The following TRHDE variants were observed in gnomAD, a reference collection of about 807,000 sequenced individuals.
TRHDE encodes thyrotropin releasing hormone degrading enzyme, also known as thyrotropin-releasing hormone-degrading ectoenzyme.
TRHDE carries 72 observed loss-of-function variants against 125.7 expected under a neutral mutation model. The ratio of observed to expected loss-of-function variants is 0.57; its 90% CI spans 0.47 to 0.70. The LOEUF (loss-of-function observed/expected upper bound fraction) is 0.70. Ranked by LOEUF, TRHDE falls within the 30% of genes least tolerant of loss-of-function variation. The pLI, the probability that TRHDE is intolerant of heterozygous loss-of-function variation, is 0.00. For missense variants in TRHDE, 1,110 were observed against 1,327.1 expected (o/e 0.84, Z 2.54); for synonymous variants, 509 against 509.1 (o/e 1.00, Z 0.00).
intron 6 of TRHDE, among the ~76,000 whole-genome samples, chr12:72,521,523 G>T (rs1879195150): frequency 6.6e-6 from 1 of 152,152 alleles, no homozygotes. Context: ...AAACCAACTT[G>T]TGTCGTTTAG....
intron 14 of TRHDE, 48 bp downstream of exon 14, chr12:72,621,253 A>G (rs764949155): frequency 5.0e-6 from 6 of 1,193,434 alleles, no homozygotes; most frequent in Non-Finnish European, 7.4e-6. Flanking sequence ...GAGCTGTATA[A>G]TAATGTACTA....
chr12:72,487,716 G>T (rs1447321444), intron 5 of TRHDE, among the ~76,000 whole-genome samples: 1 of 152,046 alleles, frequency 6.6e-6, no homozygotes, highest in Non-Finnish European at 1.5e-5. Flanking sequence ...ACTGGTAGAG[G>T]TAAATGTATA....
At chr12:72,611,587 C>T (rs1423676330) in intron 12 of TRHDE, among the ~76,000 whole-genome samples, 1 of 152,090 alleles carries the variant, frequency 6.6e-6, no homozygotes, top group Non-Finnish European at 1.5e-5. Flanking sequence ...ATTTCATGAA[C>T]CTTCACTCTA....
chr12:72,582,034 G>A (rs907703982), intron 12 of TRHDE, among the ~76,000 whole-genome samples: 3 of 143,898 alleles, frequency 2.1e-5, no homozygotes, highest in East Asian at 2.1e-4. Context: ...CCCAGGAGGC[G>A]GAACTTGTAG....
Position 72,618,891 on chromosome 12 carries a change from G to A in TRHDE, c.2322G>A (p.Arg774=), listed in dbSNP as rs749586481. The A allele has an allele frequency of 1.3e-6, 2 of 1,501,764 alleles. No individual in the cohort carries two copies. The highest frequency in any genetic ancestry group is 1.4e-5 in the African/African-American group (1 of 69,300). The allele number at this position is 1,501,764 out of a possible 1,614,324, so 93.0% of individuals were successfully genotyped here. A position where few individuals can be genotyped will look rare whatever the true frequency, so the allele number is the denominator to read the frequency against. Residue 774 remains arginine (R), a splice_region_variant and synonymous_variant, in exon 13 of 19, where the codon AGG becomes AGA. Transcript: ENST00000261180. ...GLIDDAFSLA[R]AGYLPQNIPL... ...TATCTTTTTTTTTTTTTAACTGTAG[G>A]GCTGGCTATTTGCCTCAGAATATTC...
chr12:72,555,655 T>C (rs1437386829), intron 7 of TRHDE, among the ~76,000 whole-genome samples: 1 of 152,218 alleles, frequency 6.6e-6, no homozygotes, highest in Non-Finnish European at 1.5e-5. Flanking sequence ...TCTAGCTTTC[T>C]TTGTTTAAGT....
intron 3 of TRHDE, among the ~76,000 whole-genome samples, chr12:72,445,073 C>A (rs1031852131): frequency 6.6e-5 from 10 of 151,858 alleles, no homozygotes; most frequent in Non-Finnish European, 1.0e-4. Flanking sequence ...GACGTCTTAA[C>A]AAGTGATTAT....
intron 2 of TRHDE, among the ~76,000 whole-genome samples, chr12:72,330,999 G>A (rs1450185351): frequency 1.3e-5 from 2 of 152,064 alleles, no homozygotes; most frequent in Non-Finnish European, 2.9e-5. Context: ...CTGTTGCTCC[G>A]AGAACCACAT....
intron 2 of TRHDE, among the ~76,000 whole-genome samples, chr12:72,169,460 T>C (rs1269650313): frequency 7.2e-5 from 11 of 152,080 alleles, no homozygotes; most frequent in Admixed American, 7.2e-4. Context: ...GCTGTCAGAG[T>C]TGATTTCTGT....
intron 6 of TRHDE, among the ~76,000 whole-genome samples, chr12:72,511,063 A>C (rs1333038615): frequency 6.6e-6 from 1 of 152,112 alleles, no homozygotes. Flanking sequence ...ATAAGAAAGA[A>C]CTTCTTGACA....
chr12:72,383,919 G>A (rs1018068252), intron 3 of TRHDE, among the ~76,000 whole-genome samples: 3 of 151,878 alleles, frequency 2.0e-5, no homozygotes, highest in Non-Finnish European at 4.4e-5. Context: ...TTATAAACTC[G>A]ATGATTTGAT....
Position 72,545,363 on chromosome 12 carries a change from C to T in TRHDE, c.1788+3007C>T, listed in dbSNP as rs1052806086. 1.1e-4 allele frequency among the ~76,000 whole-genome samples: 17 copies of T among 151,592 alleles called. No individual in the cohort carries two copies. In the South Asian group the frequency reaches 1.7e-3, roughly 15 times the overall value. On this transcript the variant is annotated intron_variant, in intron 7 of 18. Coordinates refer to ENST00000261180, the MANE Select transcript of TRHDE (RefSeq NM_013381.3). Reference sequence around the variant, plus strand: ...GTTAATAGCGGTTTTCTGCAAGTCACTAGACCTCTCTTGACCTCTGACATT... The same window carrying T: ...GTTAATAGCGGTTTTCTGCAAGTCATTAGACCTCTCTTGACCTCTGACATT...
chr12:72,174,445 A>G lies in TRHDE; in HGVS notation n.279+68693A>G, dbSNP rs140181718. On this transcript the variant is annotated intron_variant and non_coding_transcript_variant, in intron 2 of 4. Coordinates refer to the TRHDE transcript ENST00000548156. Reference sequence around the variant, plus strand: ...AACACAATTTTATTGTCTAATCCATATTCAAAATTTTCCAATTGTCCTAAA... The same window carrying G: ...AACACAATTTTATTGTCTAATCCATGTTCAAAATTTTCCAATTGTCCTAAA... Among the ~76,000 whole-genome samples, 1,138 of 152,336 alleles carry G rather than the reference A, an allele frequency of 7.5e-3. 7 individuals are homozygous for G. Among genetic ancestry groups the G allele is most frequent in the Non-Finnish European group, 0.012 (812 of 68,026 alleles).
At chr12:72,245,243 ATGTGTG>A (rs370752757) in intron 2 of TRHDE, among the ~76,000 whole-genome samples, 10 of 147,230 alleles carry the variant, frequency 6.8e-5, no homozygotes, top group Admixed American at 2.0e-4. Context: ...GTTTGTGTGT[ATGTGTG>A]TGTGTGTGTG....
chr12:72,228,738 T>A (rs1374705748), intron 2 of TRHDE, among the ~76,000 whole-genome samples: 1 of 152,212 alleles, frequency 6.6e-6, no homozygotes, highest in Admixed American at 6.5e-5. Flanking sequence ...CTTTTAACAA[T>A]ATCCAAGTCA....
chr12:72,372,946 T>A (rs1871681299), intron 2 of TRHDE, among the ~76,000 whole-genome samples: 2 of 152,196 alleles, frequency 1.3e-5, no homozygotes, highest in Admixed American at 6.5e-5. Flanking sequence ...GGTAGCTTGA[T>A]GGGGATGGCA....
chr12:72,466,993 G>A (rs139429011), intron 3 of TRHDE, among the ~76,000 whole-genome samples: 203 of 152,276 alleles, frequency 1.3e-3, no homozygotes, highest in African/African-American at 4.5e-3. Context: ...GCAAAACTGC[G>A]TCTATATTGA....
intron 6 of TRHDE, among the ~76,000 whole-genome samples, chr12:72,516,266 C>T (rs1878855198): frequency 6.6e-6 from 1 of 151,958 alleles, no homozygotes; most frequent in Non-Finnish European, 1.5e-5. Flanking sequence ...TTGATTCTTC[C>T]TACCCATGAG....
intron 12 of TRHDE, among the ~76,000 whole-genome samples, chr12:72,593,053 G>A (rs773822638): frequency 1.3e-5 from 2 of 152,146 alleles, no homozygotes; most frequent in African/African-American, 4.8e-5. Context: ...GAGTGCTACA[G>A]TGATCAGCCA....
Sources: allele counts gnomAD v4.1 joint callset (sites outside exome capture counted in the v4.1 genomes callset), GRCh38; gene constraint gnomAD v4.1.1; transcripts MANE v1.5; gene names NCBI Gene and HGNC (gene_info 2026-07-23, HGNC 2026-07-21).